Variants in LTBP1 observed in about 807,000 individuals in gnomAD.
LTBP1 encodes the protein latent-transforming growth factor beta-binding protein 1.
LTBP1 carries 129 observed loss-of-function variants against 207.6 expected under a neutral mutation model. That is an observed-to-expected ratio of 0.62 (90% CI 0.54 to 0.72). LTBP1 has a LOEUF of 0.72. Ranked by LOEUF, LTBP1 falls within the 30% of genes least tolerant of loss-of-function variation. The pLI, the probability that LTBP1 is intolerant of heterozygous loss-of-function variation, is 0.00. For missense variants in LTBP1, 2,281 were observed against 2,217.2 expected (o/e 1.03, Z -0.58); for synonymous variants, 963 against 833.7 (o/e 1.16, Z -2.67).
At chr2:33,075,095 A>G (rs891269478) in intron 3 of LTBP1, among the ~76,000 whole-genome samples, 1 of 152,084 alleles carries the variant, frequency 6.6e-6, no homozygotes, top group Non-Finnish European at 1.5e-5. Flanking sequence ...AAAAAAAAAG[A>G]TGTTGTGGTG....
At chr2:33,250,767 A>T (rs1192561919) in intron 10 of LTBP1, among the ~76,000 whole-genome samples, 1 of 151,898 alleles carries the variant, frequency 6.6e-6, no homozygotes, top group Admixed American at 6.6e-5. Flanking sequence ...TACCACCACC[A>T]TTGGCACCTG....
intron 10 of LTBP1, among the ~76,000 whole-genome samples, chr2:33,249,430 T>C (rs1195190549): frequency 2.0e-5 from 3 of 151,998 alleles, no homozygotes; most frequent in African/African-American, 7.3e-5. Context: ...AAGTATAATG[T>C]GAGTTTATTA....
rs536232004 is a variant in LTBP1 at position 33,186,709 on chromosome 2, G to A, written c.1202-147G>A. ...TAACGGAGACTACTTTTGGCATAGC[G>A]AGTTTACTCCTCTGTTTACCATTTC... is the stretch of plus-strand genomic sequence containing the variant. On this transcript the variant is annotated intron_variant, in intron 5 of 33. Transcript: ENST00000404816. The A allele has an allele frequency of 2.5e-5, 16 of 629,344 alleles. No homozygotes were observed. The East Asian group carries it at 3.6e-4, about 14-fold the overall frequency. 39.0% of individuals were successfully genotyped at this position (629,344 alleles called of 1,614,324 possible).
chr2:33,122,503 G>T (rs1209521611), intron 4 of LTBP1, among the ~76,000 whole-genome samples: 3 of 152,202 alleles, frequency 2.0e-5, no homozygotes, highest in African/African-American at 7.2e-5. Flanking sequence ...AGGTGGCCTG[G>T]CAGAGGCACT....
At chr2:33,222,243 A>G in intron 9 of LTBP1, 92 bp downstream of exon 9, 1 of 859,266 alleles carries the variant, frequency 1.2e-6, no homozygotes, top group South Asian at 1.4e-5. Flanking sequence ...TCATTCGCCC[A>G]GCCTGTCACA....
chr2:33,280,029 G>T lies in LTBP1; in HGVS notation c.2993-10G>T, dbSNP rs373189789. 6.8e-6 allele frequency: 11 copies of T among 1,611,764 alleles called. No homozygotes were observed. Among genetic ancestry groups the T allele is most frequent in the East Asian group, 2.2e-5 (1 of 44,882 alleles). ...TAAAATGTTCACGACCTAGGTTTTT[G>T]ATTTTTCAGATATTGATGAATGTTT... On this transcript the variant is annotated splice_polypyrimidine_tract_variant and intron_variant, in intron 18 of 33. Coordinates refer to ENST00000404816, the MANE Select transcript of LTBP1 (RefSeq NM_206943.4).
chr2:32,963,385 C>CT (rs961677455), intron 2 of LTBP1, among the ~76,000 whole-genome samples: 2 of 140,390 alleles, frequency 1.4e-5, no homozygotes, highest in African/African-American at 2.6e-5. Flanking sequence ...TTTTTTTTAA[C>CT]TTTTTTGTAG....
At chr2:33,283,479 C>T (rs887581755) in intron 19 of LTBP1, among the ~76,000 whole-genome samples, 2 of 135,214 alleles carry the variant, frequency 1.5e-5, no homozygotes, top group African/African-American at 5.5e-5. Context: ...CTCTTTCGCC[C>T]AGGCTGAAGT....
At chr2:33,247,132 C>T (rs762551708) in intron 10 of LTBP1, among the ~76,000 whole-genome samples, 5 of 152,152 alleles carry the variant, frequency 3.3e-5, no homozygotes, top group South Asian at 2.1e-4. Flanking sequence ...TTTGCCTTTT[C>T]GTAGTATTCT....
chr2:33,090,902 C>G (rs1210233849), intron 3 of LTBP1, among the ~76,000 whole-genome samples: 1 of 152,198 alleles, frequency 6.6e-6, no homozygotes, highest in African/African-American at 2.4e-5. Context: ...TTTTCCCTCC[C>G]CTTGGCTAGC....
intron 15 of LTBP1, among the ~76,000 whole-genome samples, chr2:33,268,979 A>G (rs2093252391): frequency 6.6e-6 from 1 of 152,192 alleles, no homozygotes; most frequent in Non-Finnish European, 1.5e-5. Flanking sequence ...AAATGACCCA[A>G]AAATGTTTGT....
At chr2:33,190,569 G>A (rs760327254) in intron 7 of LTBP1, among the ~76,000 whole-genome samples, 1 of 152,156 alleles carries the variant, frequency 6.6e-6, no homozygotes. Flanking sequence ...CCCAGCACTC[G>A]GTAGGAGGGA....
chr2:33,234,445 C>G (rs1206607768), intron 9 of LTBP1, among the ~76,000 whole-genome samples: 2 of 152,028 alleles, frequency 1.3e-5, no homozygotes, highest in African/African-American at 4.8e-5. Flanking sequence ...GACAGAGAGC[C>G]AAATCATGAG....
chr2:33,272,727 A>G (rs1160501774), intron 15 of LTBP1, among the ~76,000 whole-genome samples: 2 of 152,238 alleles, frequency 1.3e-5, no homozygotes, highest in Non-Finnish European at 2.9e-5. Flanking sequence ...TTGTGCCTGC[A>G]CTGTCTTCAA....
At chr2:33,365,756 C>A (rs375080343) in intron 31 of LTBP1, among the ~76,000 whole-genome samples, 1 of 151,558 alleles carries the variant, frequency 6.6e-6, no homozygotes, top group Admixed American at 6.6e-5. Flanking sequence ...GATAAATGAC[C>A]CAAAAAAACA....
intron 5 of LTBP1, among the ~76,000 whole-genome samples, chr2:33,139,811 T>A (rs2082495326): frequency 6.6e-6 from 1 of 152,104 alleles, no homozygotes; most frequent in Non-Finnish European, 1.5e-5. Context: ...TTTCTGGGAA[T>A]TGGGAATAGT....
At position 33,354,549 on chromosome 2, in the gene LTBP1, T is replaced by G. The variant is rs1352690680; in HGVS notation, c.4001-6048T>G. Among the ~76,000 whole-genome samples, 3 of 152,290 alleles carry G rather than the reference T, an allele frequency of 2.0e-5. No homozygotes were observed. In the East Asian group the frequency reaches 5.8e-4, roughly 29 times the overall value. The stretch of plus-strand genomic sequence containing the variant: ...CAATGAGAAGGTATCATCTTTTTGG[T>G]ATAAAAGCCAAACTGCTTTTTTAAG... On this transcript the variant is annotated intron_variant, in intron 26 of 33. Transcript: ENST00000404816.
chr2:33,182,632 A>T (rs2086754166), intron 5 of LTBP1, among the ~76,000 whole-genome samples: 1 of 145,170 alleles, frequency 6.9e-6, no homozygotes, highest in Non-Finnish European at 1.5e-5. Flanking sequence ...ACTGCACTCC[A>T]GCCTGGGTGA....
In LTBP1 at chr2:33,398,872, T is replaced by A. The variant is rs932281918; in HGVS notation, c.*327T>A. The stretch of plus-strand genomic sequence containing the variant: ...TTTTTTTACTATTGCTTGATTAAAT[T>A]TGGCATTTAAATAGTGGTGGAAATA... On this transcript the variant is annotated 3_prime_UTR_variant, in exon 34 of 34. Transcript: ENST00000404816. 3.5e-5 allele frequency: 6 copies of A among 173,632 alleles called. No homozygotes were observed. The highest frequency in any genetic ancestry group is 1.2e-4 in the African/African-American group (5 of 42,450). The allele number at this position is 173,632 out of a possible 1,614,324, so 10.8% of individuals were successfully genotyped here.
Sources: gnomAD v4.1 joint callset for allele counts (sites outside exome capture counted in the v4.1 genomes callset) on GRCh38, gnomAD v4.1.1 for gene constraint, MANE v1.5 for transcripts, NCBI Gene and HGNC (gene_info 2026-07-23, HGNC 2026-07-21) for gene names.